PATL2: variants seen among roughly 807,000 people sequenced by gnomAD.
PATL2 encodes protein PAT1 homolog 2.
In PATL2, 73 loss-of-function variants were observed where a neutral mutation model predicts 77.0. The ratio of observed to expected loss-of-function variants is 0.95; its 90% CI spans 0.78 to 1.15. The LOEUF (loss-of-function observed/expected upper bound fraction) is 1.15, where lower values mean the gene tolerates loss of function less well. PATL2 is among the 50% of genes most tolerant of loss of function. The pLI is 0.00. For missense variants in PATL2, 618 were observed against 655.4 expected (o/e 0.94, Z 0.62); for synonymous variants, 265 against 257.1 (o/e 1.03, Z -0.29).
chr15:44,679,534 T>C (rs1199123270), intron 3 of PATL2, among the ~76,000 whole-genome samples: 4 of 150,384 alleles, frequency 2.7e-5, no homozygotes, highest in African/African-American at 7.3e-5. Flanking sequence ...GGCCAATTTT[T>C]TTTTTCTTTT....
intron 3 of PATL2, among the ~76,000 whole-genome samples, chr15:44,694,532 G>T (rs1208772501): frequency 6.6e-6 from 1 of 151,998 alleles, no homozygotes; most frequent in Non-Finnish European, 1.5e-5. Flanking sequence ...CCTTGTGTGT[G>T]TGTCTGTCTC....
At position 44,666,542 on chromosome 15, in the gene PATL2, C is replaced by T; in HGVS notation, c.1464-1G>A. The T allele has an allele frequency of 1.3e-6, 2 of 1,526,160 alleles. No individual in the cohort carries two copies. Among genetic ancestry groups the T allele is most frequent in the South Asian group, 1.2e-5 (1 of 80,520 alleles). The allele number at this position is 1,526,160 out of a possible 1,614,324, so 94.5% of individuals were successfully genotyped here. A position where few individuals can be genotyped will look rare whatever the true frequency, so the allele number is the denominator to read the frequency against. On this transcript the variant is annotated splice_acceptor_variant, in intron 16 of 17. Transcript: ENST00000682850. LOFTEE classifies it high-confidence loss of function. ...GGCAATCAGAACCACCATGTCTGTC[C>T]TAGAGAGCATAAATATAAATATAAG...
chr15:44,668,240 G>A (rs907258342), intron 15 of PATL2, 102 bp downstream of exon 15: 4 of 1,340,578 alleles, frequency 3.0e-6, no homozygotes, highest in Middle Eastern at 2.7e-4. Context: ...GCACTGCAGA[G>A]GATAAGATTT....
chr15:44,673,231 G>T lies in PATL2; in HGVS notation c.446+4C>A, dbSNP rs1324966310. 1.3e-6 allele frequency: 2 copies of T among 1,551,092 alleles called. No homozygotes were observed. Among genetic ancestry groups the T allele is most frequent in the Admixed American group, 3.9e-5 (2 of 50,970 alleles). On this transcript the variant is annotated splice_donor_region_variant and intron_variant, in intron 7 of 17. Transcript: ENST00000682850. Reference sequence around the variant, plus strand: ...GACCTCTGGGGAGAACCTCAAACCAGTACCTGAACCTAGGGGGCCACGAGG... The same window carrying T: ...GACCTCTGGGGAGAACCTCAAACCATTACCTGAACCTAGGGGGCCACGAGG...
At chr15:44,674,083 G>T in intron 6 of PATL2, 67 bp downstream of exon 6, 1 of 1,422,324 alleles carries the variant, frequency 7.0e-7, no homozygotes, top group Non-Finnish European at 9.6e-7. Flanking sequence ...GACCAGGGTT[G>T]GGGGTAGACT....
chr15:44,698,551 G>T (rs757131777), intron 3 of PATL2, among the ~76,000 whole-genome samples: 1 of 151,724 alleles, frequency 6.6e-6, no homozygotes, highest in Non-Finnish European at 1.5e-5. Context: ...CCATATTGCT[G>T]CAAATGACAA....
intron 8 of PATL2, 105 bp from the exon 9 acceptor site, chr15:44,672,261 C>G: frequency 6.5e-7 from 1 of 1,533,368 alleles, no homozygotes; most frequent in South Asian, 1.2e-5. Context: ...GGAGCAAGCA[C>G]AGAGGTGGGC....
intron 3 of PATL2, 127 bp from the exon 4 acceptor site, chr15:44,676,692 A>G: frequency 8.3e-7 from 1 of 1,201,604 alleles, no homozygotes; most frequent in Non-Finnish European, 1.1e-6. Context: ...TTGAGGAGAG[A>G]GACCCTGGGG....
intron 3 of PATL2, among the ~76,000 whole-genome samples, chr15:44,687,210 G>A (rs1322328444): frequency 6.6e-6 from 1 of 152,170 alleles, no homozygotes; most frequent in East Asian, 1.9e-4. Context: ...TATCCACCAT[G>A]ATCAAGTCAG....
intron 3 of PATL2, among the ~76,000 whole-genome samples, chr15:44,703,785 G>T (rs2086679510): frequency 7.8e-6 from 1 of 127,970 alleles, no homozygotes; most frequent in East Asian, 2.4e-4. Context: ...TCTTTTGAAT[G>T]GAGAGTTTAG....
chr15:44,702,521 A>G (rs993678845), intron 3 of PATL2, among the ~76,000 whole-genome samples: 3 of 151,420 alleles, frequency 2.0e-5, no homozygotes, highest in African/African-American at 4.9e-5. Context: ...CTTTCCTTCT[A>G]ATAATTTTGG....
intron 15 of PATL2, among the ~76,000 whole-genome samples, chr15:44,667,519 C>A (rs756328809): frequency 2.0e-4 from 31 of 152,186 alleles, no homozygotes; most frequent in Non-Finnish European, 4.1e-4. Context: ...GTGGACCCCA[C>A]TTTAAGAGGC....
intron 7 of PATL2, 56 bp downstream of exon 7, chr15:44,673,179 C>T (rs796860546): frequency 1.8e-5 from 28 of 1,538,884 alleles, no homozygotes; most frequent in South Asian, 8.4e-5. Flanking sequence ...GCATGGTCCC[C>T]GCCCCTCCTC....
At chr15:44,687,717 C>A (rs1012368347) in intron 3 of PATL2, among the ~76,000 whole-genome samples, 1 of 152,156 alleles carries the variant, frequency 6.6e-6, no homozygotes, top group Admixed American at 6.5e-5. Context: ...TCTCAGGCTA[C>A]AAAATCAATG....
intron 16 of PATL2, chr15:44,666,794 T>TA (rs1407161357): frequency 1.9e-6 from 1 of 521,256 alleles, no homozygotes; most frequent in Non-Finnish European, 3.4e-6. Flanking sequence ...AGAAACAAAC[T>TA]AAGAGAAGTG....
chr15:44,671,833 A>G (rs1347810276), intron 9 of PATL2, among the ~76,000 whole-genome samples, 182 bp downstream of exon 9: 1 of 152,190 alleles, frequency 6.6e-6, no homozygotes, highest in Non-Finnish European at 1.5e-5. Flanking sequence ...AAATGTAGGA[A>G]GATAGAGAGA....
chr15:44,672,329 AG>A, intron 8 of PATL2, 58 bp downstream of exon 8: 12 of 1,533,922 alleles, frequency 7.8e-6, no homozygotes, highest in African/African-American at 4.1e-5. Flanking sequence ...ACTGGTCACA[AG>A]GGGAGACCCG....
rs2085966583 is a variant in PATL2 at position 44,676,576 on chromosome 15, A to G, written c.-75-11T>C. On this transcript the variant is annotated splice_polypyrimidine_tract_variant and intron_variant, in intron 3 of 17. Coordinates refer to ENST00000682850, the MANE Select transcript of PATL2 (RefSeq NM_001387263.1). ...CTCTGGAAGGTAAACCTGAGACAAG[A>G]AAGAGGCCAAGAGGCACCATCCTCA... The G allele has an allele frequency of 1.3e-6, 2 of 1,546,326 alleles. No individual in the cohort carries two copies. Among genetic ancestry groups the G allele is most frequent in the Non-Finnish European group, 1.7e-6 (2 of 1,143,294 alleles).
At chr15:44,672,597 G>T in intron 7 of PATL2, 141 bp from the exon 8 acceptor site, 1 of 753,484 alleles carries the variant, frequency 1.3e-6, no homozygotes, top group Non-Finnish European at 2.2e-6. Context: ...CAGCCACATG[G>T]CACATCATAG....
Sources: allele counts gnomAD v4.1 joint callset (sites outside exome capture counted in the v4.1 genomes callset), GRCh38; gene constraint gnomAD v4.1.1; transcripts MANE v1.5; gene names NCBI Gene and HGNC (gene_info 2026-07-23, HGNC 2026-07-21).